Variants in JPH1 observed in about 807,000 individuals in gnomAD.
JPH1 encodes junctophilin-1.
In JPH1, 12 loss-of-function variants were observed where a neutral mutation model predicts 53.6. That is an observed-to-expected ratio of 0.22 (90% CI 0.14 to 0.36). The LOEUF (loss-of-function observed/expected upper bound fraction) is 0.36. JPH1 is among the 10% of genes least tolerant of loss of function. JPH1 has a pLI of 1.00. For synonymous variants in JPH1, 375 were observed against 363.8 expected, an observed-to-expected ratio of 1.03 and a Z score of -0.35; for missense variants, 808 against 905.5, an observed-to-expected ratio of 0.89 and a Z score of 1.38.
intron 2 of JPH1, among the ~76,000 whole-genome samples, chr8:74,311,018 C>T (rs927256832): frequency 6.6e-6 from 1 of 152,168 alleles, no homozygotes; most frequent in African/African-American, 2.4e-5. Context: ...CTTCAGTCTT[C>T]TCTACCAAGC....
At chr8:74,311,629 A>G (rs7004439) in intron 2 of JPH1, among the ~76,000 whole-genome samples, 9,142 of 149,362 alleles carry the variant, frequency 0.061, 989 homozygotes, top group African/African-American at 0.22. Flanking sequence ...CCATCAACCC[A>G]TCATCCAGCA....
Position 74,278,897 on chromosome 8 carries a change from G to A in JPH1, c.1140-19394C>T, listed in dbSNP as rs913784980. On this transcript the variant is annotated intron_variant, in intron 2 of 5. Transcript: ENST00000342232. ...TGGAAGTGGTATTGCCAACATGTTT[G>A]TATGGGAATATAATTAGGGATATGT... 2.6e-5 allele frequency among the ~76,000 whole-genome samples: 4 copies of A among 152,108 alleles called. 1 individual carries two copies. In the East Asian group the frequency reaches 5.8e-4, roughly 22 times the overall value.
intron 2 of JPH1, among the ~76,000 whole-genome samples, chr8:74,303,117 G>C (rs887552880): frequency 6.6e-6 from 1 of 152,138 alleles, no homozygotes; most frequent in African/African-American, 2.4e-5. Flanking sequence ...CTTAATGTGA[G>C]AACTGCTTTA....
chr8:74,245,179 GC>G lies in JPH1; in HGVS notation c.1259-5del. 4 of 1,516,600 alleles carry G rather than the reference GC, an allele frequency of 2.6e-6. No individual in the cohort carries two copies. Among genetic ancestry groups the G allele is most frequent in the South Asian group, 1.3e-5 (1 of 75,700 alleles). 93.9% of individuals were successfully genotyped at this position (1,516,600 alleles called of 1,614,324 possible). On this transcript the variant is annotated splice_polypyrimidine_tract_variant and splice_region_variant and intron_variant, in intron 3 of 5. Transcript: ENST00000342232. ...CTCTGTTTGACGTAATCAGGGCCTG[GC>G]CAAAAAAAAAAGAAAAAAGAAAAAA...
chr8:74,295,282 C>G (rs1807471562), intron 2 of JPH1, among the ~76,000 whole-genome samples: 1 of 152,082 alleles, frequency 6.6e-6, no homozygotes, highest in Non-Finnish European at 1.5e-5. Context: ...TATAGTCACC[C>G]ATGTGACTAT....
intron 3 of JPH1, among the ~76,000 whole-genome samples, chr8:74,253,228 A>G (rs1222374829): frequency 7.9e-4 from 120 of 152,284 alleles, no homozygotes; most frequent in Middle Eastern, 3.4e-3. Context: ...AGAACTCAGG[A>G]TTAAGAAACT....
chr8:74,257,383 T>C (rs977566629), intron 3 of JPH1, among the ~76,000 whole-genome samples: 1 of 152,224 alleles, frequency 6.6e-6, no homozygotes, highest in Non-Finnish European at 1.5e-5. Flanking sequence ...ATCTTTCGTA[T>C]CATTTACCTC....
chr8:74,311,404 G>C (rs940960995), intron 2 of JPH1, among the ~76,000 whole-genome samples: 2 of 152,118 alleles, frequency 1.3e-5, no homozygotes, highest in African/African-American at 2.4e-5. Flanking sequence ...ATATTGTGTA[G>C]ATATTCTGGC....
chr8:74,239,269 C>T (rs1384668302), intron 4 of JPH1, among the ~76,000 whole-genome samples: 1 of 151,972 alleles, frequency 6.6e-6, no homozygotes, highest in East Asian at 1.9e-4. Context: ...GCTCAAGTTT[C>T]CTCAGCCAGT....
intron 3 of JPH1, among the ~76,000 whole-genome samples, chr8:74,249,441 G>A (rs553338527): frequency 6.0e-4 from 91 of 152,236 alleles, no homozygotes; most frequent in Non-Finnish European, 9.3e-4. Flanking sequence ...TCACAGTCCC[G>A]TCTATAACAA....
intron 2 of JPH1, among the ~76,000 whole-genome samples, chr8:74,287,258 C>T (rs900408232): frequency 9.2e-5 from 14 of 152,012 alleles, no homozygotes; most frequent in African/African-American, 2.7e-4. Flanking sequence ...ATGGTGAAAC[C>T]CTGTCTCTAC....
intron 2 of JPH1, among the ~76,000 whole-genome samples, chr8:74,305,078 G>A (rs1362017694): frequency 6.6e-6 from 1 of 152,266 alleles, no homozygotes; most frequent in East Asian, 1.9e-4. Flanking sequence ...AAAGCTGAAT[G>A]ACTTACATAA....
rs973481896 is a variant in JPH1, at chr8:74,262,917, A to C, written c.1140-3414T>G. Among the ~76,000 whole-genome samples, 3 of 152,214 alleles carry C rather than the reference A, an allele frequency of 2.0e-5. No individual in the cohort carries two copies. The East Asian group carries it at 5.8e-4, about 29-fold the overall frequency. ...AGGCATCACCTGTACTTAAAAACTT[A>C]ATGACAAATTATTTTCCTAACCAGC... On this transcript the variant is annotated intron_variant, in intron 2 of 5. Transcript: ENST00000342232.
chr8:74,255,257 T>A (rs912393801), intron 3 of JPH1, among the ~76,000 whole-genome samples: 8 of 152,072 alleles, frequency 5.3e-5, no homozygotes, highest in South Asian at 2.1e-4. Context: ...TACAACTATC[T>A]GATCTTTGAC....
At chr8:74,256,013 AC>A (rs1177969050) in intron 3 of JPH1, among the ~76,000 whole-genome samples, 8 of 152,188 alleles carry the variant, frequency 5.3e-5, no homozygotes, top group African/African-American at 1.9e-4. Context: ...AACTAGAAAT[AC>A]CATTTGACCC....
At chr8:74,272,708 A>G (rs1806738852) in intron 2 of JPH1, among the ~76,000 whole-genome samples, 1 of 145,120 alleles carries the variant, frequency 6.9e-6, no homozygotes, top group East Asian at 2.1e-4. Flanking sequence ...GGTTCACGCC[A>G]TTCTCCTGCC....
intron 2 of JPH1, among the ~76,000 whole-genome samples, chr8:74,304,816 A>G (rs1453860292): frequency 6.6e-6 from 1 of 152,244 alleles, no homozygotes; most frequent in African/African-American, 2.4e-5. Flanking sequence ...AGTGATAGAA[A>G]GTGAATTAAT....
chr8:74,280,701 CA>C (rs1259579602), intron 2 of JPH1, among the ~76,000 whole-genome samples: 1 of 151,968 alleles, frequency 6.6e-6, no homozygotes, highest in East Asian at 1.9e-4. Flanking sequence ...AATTTAACAT[CA>C]AAAATCTATC....
At position 74,237,264 on chromosome 8, in the gene JPH1, T is replaced by G; in HGVS notation, c.1945A>C (p.Asn649His). ...ACAAAAAGAATGGCCAACCCGATAT[T>G]CAACAGCATGACAAGGACAATCATG... ...SIMIVLVMLL[N>H]IGLAILFVHF... The change falls in exon 5 of 6, where the codon AAT becomes CAT. Residue 649 changes from asparagine (N) to histidine (H), a missense_variant. Physicochemically the swap from Asn to His is moderately conservative, Grantham distance 68. Coordinates refer to ENST00000342232, the MANE Select transcript of JPH1 (RefSeq NM_020647.4). The G allele has an allele frequency of 6.2e-7, 1 of 1,613,544 alleles. No homozygotes were observed. Among genetic ancestry groups the G allele is most frequent in the Non-Finnish European group, 8.5e-7 (1 of 1,179,780 alleles).
Sources: gnomAD v4.1 joint callset for allele counts (sites outside exome capture counted in the v4.1 genomes callset) on GRCh38, gnomAD v4.1.1 for gene constraint, MANE v1.5 for transcripts, NCBI Gene and HGNC (gene_info 2026-07-23, HGNC 2026-07-21) for gene names.